The following RBFOX1 variants were observed in gnomAD, a reference collection of about 807,000 sequenced individuals.
The protein encoded by RBFOX1 is RNA binding fox-1 homolog 1.
Under a neutral mutation model 57.7 loss-of-function variants are expected in RBFOX1, and 8 were observed. The observed-to-expected ratio is 0.14, with a 90% CI of 0.08 to 0.25. The LOEUF is 0.25. Ranked by LOEUF, RBFOX1 falls within the 10% of genes least tolerant of loss-of-function variation. The pLI is 1.00. For synonymous variants in RBFOX1, 326 were observed against 222.4 expected (o/e 1.47, Z -4.15); for missense variants, 611 against 548.5 (o/e 1.11, Z -1.14).
intron 2 of RBFOX1, among the ~76,000 whole-genome samples, chr16:5,515,617 A>T (rs548952259): frequency 6.6e-6 from 1 of 152,218 alleles, no homozygotes; most frequent in South Asian, 2.1e-4. Context: ...ATGCCTGATC[A>T]ATTTGGGTAC....
At chr16:6,659,905 G>T (rs1435035203) in intron 3 of RBFOX1, among the ~76,000 whole-genome samples, 1 of 152,132 alleles carries the variant, frequency 6.6e-6, no homozygotes, top group Non-Finnish European at 1.5e-5. Flanking sequence ...TTTCAGCAGA[G>T]TAGATACACG....
At chr16:7,087,964 C>A (rs75968018) in intron 4 of RBFOX1, among the ~76,000 whole-genome samples, 1 of 151,992 alleles carries the variant, frequency 6.6e-6, no homozygotes, top group Non-Finnish European at 1.5e-5. Flanking sequence ...AGATTGCAGC[C>A]CAGAGTAATC....
rs1219279546 is a variant in RBFOX1 at position 7,378,955 on chromosome 16, A to T, written c.28-139192A>T. 5.9e-5 allele frequency among the ~76,000 whole-genome samples: 9 copies of T among 152,332 alleles called. No homozygotes were observed. In the East Asian group the frequency reaches 1.7e-3, roughly 29 times the overall value. On this transcript the variant is annotated intron_variant, in intron 4 of 15. Coordinates refer to ENST00000550418, the MANE Select transcript of RBFOX1 (RefSeq NM_018723.4). ...AGGAGAGCACACAGACCTTGAAGGAAATCCCACCACTGACATTTAGAATCT... is the reference window on the plus strand; with the variant it reads ...AGGAGAGCACACAGACCTTGAAGGATATCCCACCACTGACATTTAGAATCT...
At chr16:7,003,355 G>T (rs2093005604) in intron 3 of RBFOX1, among the ~76,000 whole-genome samples, 1 of 151,866 alleles carries the variant, frequency 6.6e-6, no homozygotes, top group South Asian at 2.1e-4. Context: ...AGCTACTCAG[G>T]AGGCTGAGGC....
chr16:6,750,474 G>T (rs1295440862), intron 3 of RBFOX1, among the ~76,000 whole-genome samples: 2 of 152,192 alleles, frequency 1.3e-5, no homozygotes, highest in East Asian at 1.9e-4. Context: ...TAAAATTCAA[G>T]TTTAATATTT....
At chr16:7,658,059 G>C (rs1568322554) in intron 12 of RBFOX1, among the ~76,000 whole-genome samples, 1 of 152,176 alleles carries the variant, frequency 6.6e-6, no homozygotes, top group African/African-American at 2.4e-5. Context: ...CCATAGAGTC[G>C]ATAGAGGGTG....
intron 14 of RBFOX1, among the ~76,000 whole-genome samples, chr16:7,703,058 A>G (rs771053408): frequency 2.0e-5 from 3 of 152,230 alleles, no homozygotes; most frequent in Non-Finnish European, 2.9e-5. Flanking sequence ...GAAAGAGAAC[A>G]TCCCTTTAGC....
At chr16:5,952,333 T>C (rs997116695) in intron 4 of RBFOX1, among the ~76,000 whole-genome samples, 3 of 151,974 alleles carry the variant, frequency 2.0e-5, no homozygotes, top group Non-Finnish European at 2.9e-5. Flanking sequence ...GTATTTTTCG[T>C]AGAGATGGGG....
Position 5,991,422 on chromosome 16 carries a change from C to G in RBFOX1, c.351+124087C>G, listed in dbSNP as rs538343240. ...GAGCACGTAGAAGGAATTAAAGAAT[C>G]ATCGTCACTGCAGCTTTGTGCTGGG... is the stretch of plus-strand genomic sequence containing the variant. On this transcript the variant is annotated intron_variant, in intron 4 of 19. Transcript: ENST00000641259. Among the ~76,000 whole-genome samples, 23 of 152,238 alleles carry G rather than the reference C, an allele frequency of 1.5e-4. No homozygotes were observed. In the South Asian group the frequency reaches 4.6e-3, roughly 30 times the overall value.
At chr16:6,428,481 C>G (rs370621292) in intron 2 of RBFOX1, among the ~76,000 whole-genome samples, 8 of 152,080 alleles carry the variant, frequency 5.3e-5, no homozygotes, top group African/African-American at 1.9e-4. Flanking sequence ...ATAATAGAGG[C>G]ATATTCTGTT....
intron 4 of RBFOX1, among the ~76,000 whole-genome samples, chr16:7,373,743 T>G (rs1303926551): frequency 6.6e-6 from 1 of 152,212 alleles, no homozygotes; most frequent in Non-Finnish European, 1.5e-5. Context: ...GGGGCCCAGC[T>G]CTTTGCGCTG....
At chr16:6,374,315 C>G (rs535784299) in intron 2 of RBFOX1, among the ~76,000 whole-genome samples, 3 of 152,296 alleles carry the variant, frequency 2.0e-5, no homozygotes, top group African/African-American at 2.4e-5. Context: ...AATTTGGGAT[C>G]ATTTTGTGAT....
chr16:6,864,711 A>G (rs1036668162), intron 3 of RBFOX1, among the ~76,000 whole-genome samples: 9 of 152,146 alleles, frequency 5.9e-5, no homozygotes, highest in Non-Finnish European at 8.8e-5. Flanking sequence ...GGAATCCTGA[A>G]GAAAAAGTTG....
intron 3 of RBFOX1, among the ~76,000 whole-genome samples, chr16:5,717,066 C>G (rs2051730156): frequency 1.3e-5 from 2 of 152,148 alleles, no homozygotes; most frequent in South Asian, 4.1e-4. Flanking sequence ...GCTTGGCTGT[C>G]AGAAATTAGA....
chr16:7,363,683 A>C, intron 4 of RBFOX1, among the ~76,000 whole-genome samples: 1 of 152,252 alleles, frequency 6.6e-6, no homozygotes. Flanking sequence ...GGCTCCATTT[A>C]AGTTGTTTTG....
chr16:6,209,759 C>T (rs551427699), intron 1 of RBFOX1, among the ~76,000 whole-genome samples: 29 of 152,132 alleles, frequency 1.9e-4, no homozygotes, highest in Non-Finnish European at 3.4e-4. Flanking sequence ...GGAAGCAGGT[C>T]GTGAACCAGA....
intron 4 of RBFOX1, among the ~76,000 whole-genome samples, chr16:7,062,011 A>G (rs1028527918): frequency 2.6e-5 from 4 of 152,092 alleles, no homozygotes; most frequent in Non-Finnish European, 4.4e-5. Context: ...CAAACCTGAG[A>G]TGGTCCCAGG....
intron 3 of RBFOX1, among the ~76,000 whole-genome samples, chr16:6,816,278 G>T (rs112918029): frequency 3.5e-4 from 53 of 152,228 alleles, no homozygotes; most frequent in African/African-American, 1.3e-3. Flanking sequence ...TATTGCACTC[G>T]CACTTGAGCC....
At chr16:7,569,790 C>A (rs928858001) in intron 5 of RBFOX1, among the ~76,000 whole-genome samples, 3 of 151,990 alleles carry the variant, frequency 2.0e-5, no homozygotes, top group African/African-American at 4.8e-5. Flanking sequence ...ATATCTTGAG[C>A]CTAGGAAGTT....
Sources: allele counts gnomAD v4.1 joint callset (sites outside exome capture counted in the v4.1 genomes callset), GRCh38; gene constraint gnomAD v4.1.1; transcripts MANE v1.5; gene names NCBI Gene and HGNC (gene_info 2026-07-23, HGNC 2026-07-21).